Variants in RTN4RL1 observed in about 807,000 individuals in gnomAD.
The protein encoded by RTN4RL1 is reticulon 4 receptor like 1, also known as reticulon-4 receptor-like 1.
A neutral mutation model predicts 25.6 loss-of-function variants in RTN4RL1; 7 were observed. That is an observed-to-expected ratio of 0.27 (90% CI 0.16 to 0.51). The LOEUF is 0.51. RTN4RL1 is among the 20% of genes least tolerant of loss of function. RTN4RL1 has a pLI of 0.97. For missense variants in RTN4RL1, 500 were observed against 615.6 expected (o/e 0.81, Z 1.99); for synonymous variants, 297 against 288.2 (o/e 1.03, Z -0.31).
chr17:1,973,467 G>A (rs1473704618), intron 1 of RTN4RL1, among the ~76,000 whole-genome samples: 4 of 151,108 alleles, frequency 2.6e-5, no homozygotes, highest in South Asian at 4.2e-4. Context: ...ACAGTGAGCC[G>A]GGATCGCGCC....
At chr17:1,996,275 T>C (rs1295652186) in intron 1 of RTN4RL1, among the ~76,000 whole-genome samples, 1 of 152,210 alleles carries the variant, frequency 6.6e-6, no homozygotes, top group African/African-American at 2.4e-5. Context: ...TGTTCAGTCT[T>C]TTATCACTGC....
At position 1,998,842 on chromosome 17, in the gene RTN4RL1, C is replaced by T. The variant is rs1177946304; in HGVS notation, c.13+26011G>A. ...ACGCTGGGGACGCGGGTTTGACGCACTTTCCCGGCAGCCGAAGACGACCCC... is the reference window on the plus strand; with the variant it reads ...ACGCTGGGGACGCGGGTTTGACGCATTTTCCCGGCAGCCGAAGACGACCCC... On this transcript the variant is annotated intron_variant, in intron 1 of 1. Coordinates refer to ENST00000331238, the MANE Select transcript of RTN4RL1 (RefSeq NM_178568.4). This position sits in a 1 kb window ranked among gnomAD's most constrained non-coding sequence, Gnocchi z 4.9. 6.6e-6 allele frequency among the ~76,000 whole-genome samples: 1 copy of T among 152,128 alleles called. No individual in the cohort carries two copies. The highest frequency in any genetic ancestry group is 1.5e-5 in the Non-Finnish European group (1 of 68,004).
intron 1 of RTN4RL1, among the ~76,000 whole-genome samples, chr17:1,995,900 TC>T (rs2066927585): frequency 6.6e-6 from 1 of 152,182 alleles, no homozygotes; most frequent in African/African-American, 2.4e-5. Flanking sequence ...AGAGCCAGCG[TC>T]TCCCCTGTTG....
chr17:2,024,933 C>A lies in RTN4RL1; in HGVS notation c.-68G>T, dbSNP rs2067253250. On this transcript the variant is annotated 5_prime_UTR_variant, in exon 1 of 2. Coordinates refer to ENST00000331238, the MANE Select transcript of RTN4RL1 (RefSeq NM_178568.4). ...TCCCTCCCGGGGTCCAGATTCAAAT[C>A]CCTGGGCGCCAGCTGCAGCTAATCC... The A allele has an allele frequency of 2.0e-5, 30 of 1,500,908 alleles. 1 individual carries two copies. The South Asian group carries it at 3.7e-4, about 18-fold the overall frequency. The allele number at this position is 1,500,908 out of a possible 1,614,324, so 93.0% of individuals were successfully genotyped here.
rs574037990 is a variant in RTN4RL1 at position 1,983,051 on chromosome 17, CTTTT to C, written c.13+41798_13+41801del. Among the ~76,000 whole-genome samples the C allele has an allele frequency of 4.8e-5, 7 of 147,130 alleles. No homozygotes were observed. The East Asian group carries it at 1.4e-3, about 29-fold the overall frequency. On this transcript the variant is annotated intron_variant, in intron 1 of 1. Transcript: ENST00000331238. ...GAGACCTCACATTCTTCTTCTTCTT[CTTTT>C]TTTTTTTTTTCCTGAGACAGAGTCT...
At chr17:1,949,769 T>A (rs547999314) in intron 1 of RTN4RL1, among the ~76,000 whole-genome samples, 1 of 152,270 alleles carries the variant, frequency 6.6e-6, no homozygotes, top group South Asian at 2.1e-4. Flanking sequence ...AAGCCCCAAA[T>A]GACGGATCAT....
At chr17:1,996,391 T>TC (rs1158564158) in intron 1 of RTN4RL1, among the ~76,000 whole-genome samples, 13 of 59,210 alleles carry the variant, frequency 2.2e-4, no homozygotes, top group East Asian at 5.7e-4. Flanking sequence ...CCACCTCCCC[T>TC]CCCCCCCGGC....
intron 1 of RTN4RL1, among the ~76,000 whole-genome samples, chr17:1,939,169 G>A (rs929551758): frequency 1.2e-4 from 18 of 151,872 alleles, no homozygotes; most frequent in East Asian, 3.9e-4. Context: ...TGGCTAACAC[G>A]GCGAAACCCC....
At chr17:1,958,311 G>A (rs1205440745) in intron 1 of RTN4RL1, among the ~76,000 whole-genome samples, 2 of 152,214 alleles carry the variant, frequency 1.3e-5, no homozygotes, top group African/African-American at 4.8e-5. Flanking sequence ...CTTAGAGGCC[G>A]CTGCTGCACA....
chr17:1,969,326 G>A (rs1319718240), intron 1 of RTN4RL1, among the ~76,000 whole-genome samples: 2 of 151,880 alleles, frequency 1.3e-5, no homozygotes, highest in Non-Finnish European at 2.9e-5. Flanking sequence ...CAAAGTGCTG[G>A]GATTACAGGC....
intron 1 of RTN4RL1, among the ~76,000 whole-genome samples, chr17:2,000,468 G>A (rs1345835190): frequency 6.6e-6 from 1 of 151,960 alleles, no homozygotes; most frequent in Non-Finnish European, 1.5e-5. Flanking sequence ...TCAGCCTCCC[G>A]AGTAACTGGG....
intron 1 of RTN4RL1, among the ~76,000 whole-genome samples, chr17:1,982,474 G>C (rs1482164994): frequency 6.6e-6 from 1 of 151,974 alleles, no homozygotes; most frequent in Non-Finnish European, 1.5e-5. Flanking sequence ...AATTAGCCAG[G>C]CATGGTGGCG....
At chr17:1,951,869 G>C (rs1915688641) in intron 1 of RTN4RL1, among the ~76,000 whole-genome samples, 1 of 152,238 alleles carries the variant, frequency 6.6e-6, no homozygotes, top group Non-Finnish European at 1.5e-5. Context: ...CCACTGGAAA[G>C]TTCCTTCCTG....
chr17:1,941,554 C>T (rs1915438234), intron 1 of RTN4RL1, among the ~76,000 whole-genome samples: 1 of 152,186 alleles, frequency 6.6e-6, no homozygotes, highest in African/African-American at 2.4e-5. Flanking sequence ...GTGGGCAGCC[C>T]CTCCCGTCCC....
At chr17:1,968,385 C>A (rs2151312315) in intron 1 of RTN4RL1, among the ~76,000 whole-genome samples, 2 of 152,284 alleles carry the variant, frequency 1.3e-5, no homozygotes, top group Admixed American at 1.3e-4. Context: ...ATAGCTCGGG[C>A]CGGCCGTCCT....
intron 1 of RTN4RL1, among the ~76,000 whole-genome samples, chr17:1,962,004 G>T (rs558064278): frequency 5.3e-5 from 8 of 150,058 alleles, no homozygotes; most frequent in Middle Eastern, 3.5e-3. Flanking sequence ...AAAGCAGGCC[G>T]GGCGTGGTGG....
chr17:1,958,717 G>A (rs996832634), intron 1 of RTN4RL1, among the ~76,000 whole-genome samples: 1 of 152,222 alleles, frequency 6.6e-6, no homozygotes, highest in African/African-American at 2.4e-5. Context: ...TGGCAGCAGC[G>A]TGCGGGCCGG....
chr17:1,991,081 G>A (rs1021976724), intron 1 of RTN4RL1, among the ~76,000 whole-genome samples: 1 of 152,176 alleles, frequency 6.6e-6, no homozygotes, highest in Non-Finnish European at 1.5e-5. Context: ...GTAACCAACC[G>A]AGTCGCAGAT....
intron 1 of RTN4RL1, among the ~76,000 whole-genome samples, chr17:1,997,606 G>A (rs2151320992): frequency 1.3e-5 from 2 of 152,284 alleles, no homozygotes; most frequent in African/African-American, 4.8e-5. Flanking sequence ...GTCCCCTCTA[G>A]GTATTCCCCA....
Sources: gnomAD v4.1 joint callset for allele counts (sites outside exome capture counted in the v4.1 genomes callset) on GRCh38, gnomAD v4.1.1 for gene constraint, Gnocchi (gnomAD v3.1) non-coding constraint, MANE v1.5 for transcripts, NCBI Gene and HGNC (gene_info 2026-07-23, HGNC 2026-07-21) for gene names.